The following SLIT3 variants were observed in gnomAD, a reference collection of about 807,000 sequenced individuals.
SLIT3 encodes slit guidance ligand 3.
SLIT3 carries 68 observed loss-of-function variants against 184.0 expected under a neutral mutation model. The observed-to-expected ratio is 0.37, with a 90% CI of 0.30 to 0.45. SLIT3 has a LOEUF of 0.45. SLIT3 is among the 20% of genes least tolerant of loss of function. The probability of loss-of-function intolerance (pLI) is 1.00; values close to 1 mark genes in which losing one functional copy is unlikely to be tolerated. For missense variants in SLIT3, 1,707 were observed against 2,026.0 expected (o/e 0.84, Z 3.02); for synonymous variants, 831 against 828.6 (o/e 1.00, Z -0.05).
chr5:168,762,389 T>C (rs1365259071), intron 15 of SLIT3, 150 bp downstream of exon 15: 3 of 728,968 alleles, frequency 4.1e-6, no homozygotes, highest in Non-Finnish European at 4.6e-6. Flanking sequence ...TGCCTGGGTA[T>C]CTACCTTCAG....
At chr5:168,923,889 C>G (rs1262469696) in intron 4 of SLIT3, among the ~76,000 whole-genome samples, 1 of 152,242 alleles carries the variant, frequency 6.6e-6, no homozygotes, top group Non-Finnish European at 1.5e-5. Context: ...TGGGCCAAAT[C>G]CAGCCTGCTG....
chr5:168,851,045 C>G (rs1758649473), intron 5 of SLIT3, among the ~76,000 whole-genome samples: 1 of 152,082 alleles, frequency 6.6e-6, no homozygotes, highest in Non-Finnish European at 1.5e-5. Context: ...AAGATAGGGC[C>G]AGGTGCAGCG....
intron 4 of SLIT3, among the ~76,000 whole-genome samples, chr5:169,115,806 G>A (rs1462467635): frequency 6.6e-5 from 10 of 152,358 alleles, no homozygotes; most frequent in East Asian, 3.9e-4. Flanking sequence ...GAGCTCGCCT[G>A]TGGTTGGATC....
At chr5:169,187,080 G>T (rs1218582030) in intron 4 of SLIT3, among the ~76,000 whole-genome samples, 1 of 147,436 alleles carries the variant, frequency 6.8e-6, no homozygotes, top group Non-Finnish European at 1.5e-5. Context: ...CCTCCATCTG[G>T]CTGTGAGTAC....
At chr5:168,701,108 G>T (rs1038596846) in intron 26 of SLIT3, among the ~76,000 whole-genome samples, 1 of 152,210 alleles carries the variant, frequency 6.6e-6, no homozygotes, top group African/African-American at 2.4e-5. Flanking sequence ...GTTGCTATGA[G>T]AATTAAACTT....
intron 4 of SLIT3, among the ~76,000 whole-genome samples, chr5:169,055,647 T>C (rs1350402153): frequency 3.3e-5 from 5 of 152,170 alleles, no homozygotes; most frequent in African/African-American, 1.2e-4. Context: ...GAGACCATCC[T>C]GGCCAACATG....
intron 18 of SLIT3, 51 bp from the exon 19 acceptor site, chr5:168,749,686 C>T: frequency 6.3e-7 from 1 of 1,598,858 alleles, no homozygotes; most frequent in South Asian, 1.1e-5. Context: ...GTGGGAGCGG[C>T]CCTGGGATCT....
At chr5:168,868,289 C>T (rs1759380519) in intron 5 of SLIT3, among the ~76,000 whole-genome samples, 2 of 152,280 alleles carry the variant, frequency 1.3e-5, no homozygotes, top group East Asian at 1.9e-4. Flanking sequence ...TGTGTCATCT[C>T]ATTTGACTTA....
chr5:168,786,026 C>T (rs1162391105), intron 11 of SLIT3, 48 bp from the exon 12 acceptor site: 3 of 1,314,746 alleles, frequency 2.3e-6, no homozygotes, highest in Non-Finnish European at 3.3e-6. Context: ...TGTGAGGCCA[C>T]CAGAACCCAG....
At chr5:168,858,067 GC>G (rs1446698028) in intron 5 of SLIT3, among the ~76,000 whole-genome samples, 3 of 152,224 alleles carry the variant, frequency 2.0e-5, no homozygotes, top group African/African-American at 7.2e-5. Context: ...CACAGAAACA[GC>G]TTTTAAGGAG....
intron 1 of SLIT3, among the ~76,000 whole-genome samples, chr5:169,285,702 T>C (rs1767132246): frequency 6.6e-6 from 1 of 152,204 alleles, no homozygotes; most frequent in Admixed American, 6.5e-5. Flanking sequence ...GCCACCATGT[T>C]GTGAGGAAGC....
intron 21 of SLIT3, among the ~76,000 whole-genome samples, chr5:168,723,595 G>C (rs966599691): frequency 6.6e-6 from 1 of 151,976 alleles, no homozygotes; most frequent in Non-Finnish European, 1.5e-5. Context: ...TCTTTTCACT[G>C]TTCCTCTATC....
intron 7 of SLIT3, among the ~76,000 whole-genome samples, chr5:168,817,784 T>C (rs557385031): frequency 6.6e-6 from 1 of 152,288 alleles, no homozygotes; most frequent in South Asian, 2.1e-4. Context: ...GACATCCTGA[T>C]TGGAGTCAAA....
chr5:169,091,633 G>C (rs1354320600), intron 4 of SLIT3, among the ~76,000 whole-genome samples: 3 of 152,306 alleles, frequency 2.0e-5, no homozygotes, highest in African/African-American at 7.2e-5. Context: ...AGAGGAATGA[G>C]ATTAGTTTCA....
At chr5:168,956,609 C>T (rs971414066) in intron 4 of SLIT3, among the ~76,000 whole-genome samples, 3 of 151,916 alleles carry the variant, frequency 2.0e-5, no homozygotes, top group Admixed American at 6.6e-5. Flanking sequence ...GCCTGGCCAA[C>T]GTGGTGAAAC....
At chr5:169,054,681 C>T (rs1456861187) in intron 4 of SLIT3, among the ~76,000 whole-genome samples, 1 of 152,214 alleles carries the variant, frequency 6.6e-6, no homozygotes, top group Non-Finnish European at 1.5e-5. Flanking sequence ...AACCCGTCTG[C>T]CTCTCCTACA....
At chr5:168,831,556 G>T (rs1045548972) in intron 6 of SLIT3, among the ~76,000 whole-genome samples, 6 of 152,190 alleles carry the variant, frequency 3.9e-5, no homozygotes, top group African/African-American at 9.7e-5. Flanking sequence ...ATTCACTGAC[G>T]TATAGCAGTC....
At chr5:168,852,122 T>G (rs1758701219) in intron 5 of SLIT3, among the ~76,000 whole-genome samples, 1 of 152,190 alleles carries the variant, frequency 6.6e-6, no homozygotes, top group African/African-American at 2.4e-5. Context: ...TCCATAGTGA[T>G]GGGGGCAGGT....
chr5:168,918,877 A>G (rs891976144), intron 4 of SLIT3, among the ~76,000 whole-genome samples: 4 of 152,210 alleles, frequency 2.6e-5, no homozygotes, highest in Admixed American at 1.3e-4. Flanking sequence ...CAAAGTCAAA[A>G]AATCCTCACC....
Sources: allele counts gnomAD v4.1 joint callset (sites outside exome capture counted in the v4.1 genomes callset), GRCh38; gene constraint gnomAD v4.1.1; transcripts MANE v1.5; gene names NCBI Gene and HGNC (gene_info 2026-07-23, HGNC 2026-07-21).